NLGN1: variants seen among roughly 807,000 people sequenced by gnomAD.
NLGN1 encodes the protein neuroligin-1.
Under a neutral mutation model 65.5 loss-of-function variants are expected in NLGN1, and 12 were observed. The ratio of observed to expected loss-of-function variants is 0.18; its 90% CI spans 0.12 to 0.30. The LOEUF is 0.30. Among genes scored for constraint, NLGN1 ranks in the 10% least tolerant of loss-of-function variants. NLGN1 has a pLI of 1.00. For missense variants in NLGN1, 750 were observed against 1,007.1 expected (o/e 0.74, Z 3.46); for synonymous variants, 350 against 359.5 (o/e 0.97, Z 0.30).
chr3:173,693,697 T>C (rs1560182030), intron 3 of NLGN1, among the ~76,000 whole-genome samples: 1 of 151,938 alleles, frequency 6.6e-6, no homozygotes, highest in East Asian at 1.9e-4. Context: ...GGGAGAATGG[T>C]GCAGAAAATA....
At chr3:173,708,853 A>G (rs753676580) in intron 3 of NLGN1, among the ~76,000 whole-genome samples, 7 of 152,164 alleles carry the variant, frequency 4.6e-5, no homozygotes, top group Non-Finnish European at 8.8e-5. Context: ...TAATACATTG[A>G]TTTTCAATTA....
At chr3:173,407,801 A>G (rs543900578) in intron 1 of NLGN1, among the ~76,000 whole-genome samples, 2 of 152,240 alleles carry the variant, frequency 1.3e-5, no homozygotes, top group East Asian at 3.8e-4. Context: ...ATGCTTATTG[A>G]AATCATACAT....
At chr3:174,104,888 G>A (rs1713371816) in intron 4 of NLGN1, among the ~76,000 whole-genome samples, 1 of 152,106 alleles carries the variant, frequency 6.6e-6, no homozygotes, top group African/African-American at 2.4e-5. Flanking sequence ...TGAGTGTCAT[G>A]CTGAGGAGTT....
chr3:174,280,372 A>G lies in NLGN1; in HGVS notation c.1650-109A>G. 2.6e-6 allele frequency: 2 copies of G among 758,464 alleles called. No homozygotes were observed. Among genetic ancestry groups the G allele is most frequent in the South Asian group, 1.9e-5 (1 of 52,016 alleles). The allele number at this position is 758,464 out of a possible 1,614,324, so 47.0% of individuals were successfully genotyped here. A position where few individuals can be genotyped will look rare whatever the true frequency, so the allele number is the denominator to read the frequency against. On this transcript the variant is annotated intron_variant, in intron 6 of 6. Coordinates refer to ENST00000457714, the Ensembl canonical transcript of NLGN1. The surrounding 1 kb of genome is among the most constrained non-coding windows in gnomAD (Gnocchi z 4.9). ...TGACCCAAATTAATGTTAAAACACA[A>G]TCTAAAGCATTGCTGAGTCATCTAT...
intron 4 of NLGN1, among the ~76,000 whole-genome samples, chr3:173,851,450 CA>C (rs1393856373): frequency 1.3e-5 from 2 of 152,090 alleles, no homozygotes; most frequent in Non-Finnish European, 2.9e-5. Flanking sequence ...ACATTTGACA[CA>C]ATTTTTAACT....
At chr3:173,995,056 T>C (rs1283845263) in intron 4 of NLGN1, among the ~76,000 whole-genome samples, 1 of 152,224 alleles carries the variant, frequency 6.6e-6, no homozygotes, top group Non-Finnish European at 1.5e-5. Context: ...AGAATTCATT[T>C]TTCCTGCTGC....
intron 4 of NLGN1, among the ~76,000 whole-genome samples, chr3:173,886,335 A>G (rs1734325419): frequency 6.6e-6 from 1 of 152,094 alleles, no homozygotes. Flanking sequence ...CTAGTCCTCA[A>G]ATTTACTGTT....
intron 2 of NLGN1, among the ~76,000 whole-genome samples, chr3:173,566,845 T>C (rs1037150768): frequency 3.9e-5 from 6 of 152,132 alleles, no homozygotes; most frequent in African/African-American, 1.4e-4. Flanking sequence ...AAATTTGTAT[T>C]GAGTAAAAAA....
intron 4 of NLGN1, among the ~76,000 whole-genome samples, chr3:173,988,812 T>G (rs1449474299): frequency 1.3e-5 from 2 of 152,158 alleles, no homozygotes; most frequent in South Asian, 2.1e-4. Flanking sequence ...AAATGTCCAC[T>G]TCTTATTCTT....
At chr3:173,400,079 A>C (rs1717377009) in intron 1 of NLGN1, among the ~76,000 whole-genome samples, 1 of 152,238 alleles carries the variant, frequency 6.6e-6, no homozygotes, top group African/African-American at 2.4e-5. Flanking sequence ...GTAGTATTAG[A>C]AACTGCAGCT....
At chr3:173,495,256 A>G (rs1402569763) in intron 2 of NLGN1, among the ~76,000 whole-genome samples, 1 of 151,806 alleles carries the variant, frequency 6.6e-6, no homozygotes, top group African/African-American at 2.4e-5. Flanking sequence ...TATTGCAAAC[A>G]TAATTGATTT....
chr3:173,592,580 G>C (rs1748718571), intron 2 of NLGN1, among the ~76,000 whole-genome samples: 1 of 152,142 alleles, frequency 6.6e-6, no homozygotes, highest in Non-Finnish European at 1.5e-5. Context: ...CTGGCTGCAA[G>C]TTTAATTAAG....
At chr3:173,492,767 A>C (rs1236278889) in intron 2 of NLGN1, among the ~76,000 whole-genome samples, 4 of 151,980 alleles carry the variant, frequency 2.6e-5, no homozygotes, top group South Asian at 2.1e-4. Flanking sequence ...CCAAAGAAGG[A>C]AAGAGGAATC....
intron 3 of NLGN1, among the ~76,000 whole-genome samples, chr3:173,741,426 T>C (rs1774628919): frequency 6.6e-6 from 1 of 152,136 alleles, no homozygotes; most frequent in Non-Finnish European, 1.5e-5. Flanking sequence ...GTCTTTGAAG[T>C]GGCATACATG....
chr3:174,026,335 A>G (rs1215932685), intron 4 of NLGN1, among the ~76,000 whole-genome samples: 1 of 152,058 alleles, frequency 6.6e-6, no homozygotes, highest in Non-Finnish European at 1.5e-5. Flanking sequence ...TTTGTTGCCC[A>G]TGCTAATCTC....
intron 4 of NLGN1, among the ~76,000 whole-genome samples, chr3:174,058,378 A>G (rs892696544): frequency 2.6e-5 from 4 of 152,140 alleles, no homozygotes; most frequent in Non-Finnish European, 5.9e-5. Flanking sequence ...AGATAAAAGC[A>G]TCTGAATTGG....
intron 4 of NLGN1, among the ~76,000 whole-genome samples, chr3:174,060,889 A>C (rs1420626191): frequency 1.3e-5 from 2 of 152,018 alleles, no homozygotes; most frequent in Non-Finnish European, 2.9e-5. Flanking sequence ...GCCATTTAGA[A>C]TCTCTTAGCC....
intron 3 of NLGN1, among the ~76,000 whole-genome samples, chr3:173,656,676 C>T (rs1760092361): frequency 6.6e-6 from 1 of 152,080 alleles, no homozygotes; most frequent in Admixed American, 6.6e-5. Context: ...GAATTAAAAT[C>T]ACATGAATAA....
At chr3:173,752,933 C>A (rs999935377) in intron 3 of NLGN1, among the ~76,000 whole-genome samples, 7 of 152,044 alleles carry the variant, frequency 4.6e-5, no homozygotes, top group Non-Finnish European at 1.0e-4. Context: ...CGATACCTAC[C>A]ATCTACCCCA....
Sources: gnomAD v4.1 joint callset for allele counts (sites outside exome capture counted in the v4.1 genomes callset) on GRCh38, gnomAD v4.1.1 for gene constraint, Gnocchi (gnomAD v3.1) non-coding constraint, MANE v1.5 for transcripts, NCBI Gene and HGNC (gene_info 2026-07-23, HGNC 2026-07-21) for gene names.